The following IRAK1BP1 variants were observed in gnomAD, a reference collection of about 807,000 sequenced individuals.
IRAK1BP1 encodes the protein interleukin-1 receptor-associated kinase 1-binding protein 1.
Under a neutral mutation model 28.0 loss-of-function variants are expected in IRAK1BP1, and 24 were observed. The observed-to-expected ratio is 0.86, with a 90% confidence interval of 0.62 to 1.20. IRAK1BP1 has a LOEUF of 1.20. Among genes scored for constraint, IRAK1BP1 ranks in the 50% most tolerant of loss-of-function variants. The pLI is 0.00. For synonymous variants in IRAK1BP1, 131 were observed against 116.3 expected, an observed-to-expected ratio of 1.13 and a Z score of -0.81; for missense variants, 336 against 316.7, an observed-to-expected ratio of 1.06 and a Z score of -0.46.
rs1770631392 is a variant in IRAK1BP1 at position 78,867,761 on chromosome 6, C to T, written c.185C>T (p.Ser62Phe). Residue 62 changes from serine (S) to phenylalanine (F), a missense_variant, in exon 1 of 4, where the codon TCT (serine) becomes TTT (phenylalanine). Transcript: ENST00000369940. ...EVQVSGTSEVSAGPDRAQVVV... is the reference protein window; with the variant it reads ...EVQVSGTSEVFAGPDRAQVVV... ...CAAGTAAGCGGCACCTCAGAAGTGT[C>T]TGCGGGCCCTGACCGGGCGCAGGTG... is the stretch of plus-strand genomic sequence containing the variant. The T allele has an allele frequency of 1.2e-6, 2 of 1,614,058 alleles. No homozygotes were observed. The highest frequency in any genetic ancestry group is 1.3e-5 in the African/African-American group (1 of 74,950).
At position 78,899,657 on chromosome 6, in the gene IRAK1BP1, A is replaced by G. The variant is rs765984066; in HGVS notation, c.*1323A>G. 1 of 152,130 alleles carries G rather than the reference A, an allele frequency of 6.6e-6. No individual in the cohort carries two copies. Among genetic ancestry groups the G allele is most frequent in the Non-Finnish European group, 1.5e-5 (1 of 68,044 alleles). 9.4% of individuals were successfully genotyped at this position (152,130 alleles called of 1,614,324 possible). On this transcript the variant is annotated 3_prime_UTR_variant, in exon 4 of 4. Transcript: ENST00000369940. ...CAGTGGTACGATCTCAGCTCACTGC[A>G]ACCTCTGCCTCCTGAATTTAAGCGA... is the stretch of plus-strand genomic sequence containing the variant.
the IRAK1BP1 span, among the ~76,000 whole-genome samples, chr6:78,964,337 T>C: frequency 6.6e-6 from 1 of 152,222 alleles, no homozygotes; most frequent in Non-Finnish European, 1.5e-5. Context: ...GAGACTGGGT[T>C]ATTTTCTCCA....
the IRAK1BP1 span, among the ~76,000 whole-genome samples, chr6:78,968,055 A>G: frequency 1.3e-5 from 2 of 152,080 alleles, no homozygotes. Flanking sequence ...GAATGGTGTG[A>G]ACCTGGGAGG....
At chr6:78,881,585 A>G (rs566216142) in intron 1 of IRAK1BP1, among the ~76,000 whole-genome samples, 28 of 152,188 alleles carry the variant, frequency 1.8e-4, no homozygotes, top group Admixed American at 6.5e-5. Flanking sequence ...TATTCTCTTG[A>G]CAAATGAACC....
At chr6:78,894,748 A>G (rs1305929104) in intron 2 of IRAK1BP1, among the ~76,000 whole-genome samples, 2 of 152,180 alleles carry the variant, frequency 1.3e-5, no homozygotes, top group Non-Finnish European at 2.9e-5. Context: ...CTCCAAAAAC[A>G]GCAGCCTACA....
At chr6:78,880,498 A>G (rs1012065587) in intron 1 of IRAK1BP1, among the ~76,000 whole-genome samples, 6 of 152,182 alleles carry the variant, frequency 3.9e-5, no homozygotes, top group Non-Finnish European at 7.3e-5. Flanking sequence ...TTTGTGAAAA[A>G]CATTGTTAAG....
At chr6:78,929,184 T>C (rs1349992044) in intron 4 of IRAK1BP1, among the ~76,000 whole-genome samples, 2 of 152,152 alleles carry the variant, frequency 1.3e-5, no homozygotes, top group Non-Finnish European at 2.9e-5. Context: ...GGCTTTGATC[T>C]CATTACTTGT....
intron 1 of IRAK1BP1, chr6:78,871,442 C>G: frequency 5.1e-6 from 5 of 985,444 alleles, no homozygotes; most frequent in Non-Finnish European, 6.0e-6. Flanking sequence ...CTCCTTTTTG[C>G]TTCACAACAG....
At chr6:78,945,666 ACT>A in exon 5 of IRAK1BP1, 1 of 631,498 alleles carries the variant, frequency 1.6e-6, no homozygotes, top group Non-Finnish European at 2.8e-6. Flanking sequence ...CCAACTAGAA[ACT>A]CTTAATAGTT....
At chr6:78,918,182 A>G (rs989547571) in intron 4 of IRAK1BP1, among the ~76,000 whole-genome samples, 4 of 152,070 alleles carry the variant, frequency 2.6e-5, no homozygotes, top group Non-Finnish European at 4.4e-5. Context: ...CGGTGGTCCC[A>G]GCCACTTGGG....
chr6:78,897,914 GC>G lies in IRAK1BP1; in HGVS notation c.470del (p.Pro157HisfsTer41). 1 of 1,613,994 alleles carries G rather than the reference GC, an allele frequency of 6.2e-7. No individual in the cohort carries two copies. The highest frequency in any genetic ancestry group is 8.5e-7 in the Non-Finnish European group (1 of 1,179,944). The stretch of plus-strand genomic sequence containing the variant: ...AAGCTAGATAGCTCTGTTGTCATCA[GC>G]CCACCCCAGTTCTATCATACTCCAG... ...VEKLDSSVVI[S>X]PPQFYHTPGS... On this transcript the variant is annotated frameshift_variant, in exon 3 of 4. Coordinates refer to ENST00000369940, the MANE Select transcript of IRAK1BP1 (RefSeq NM_001010844.4). LOFTEE classifies it high-confidence loss of function.
chr6:78,891,682 G>A (rs1048101796), intron 2 of IRAK1BP1, among the ~76,000 whole-genome samples: 8 of 152,028 alleles, frequency 5.3e-5, no homozygotes, highest in East Asian at 1.9e-4. Context: ...GGCTGGTCTC[G>A]AACTCCTGGC....
At chr6:78,945,615 C>A in exon 5 of IRAK1BP1, 1 of 685,174 alleles carries the variant, frequency 1.5e-6, no homozygotes, top group Non-Finnish European at 2.5e-6. Flanking sequence ...ATGCTTAAAG[C>A]TTTCTTAGGA....
chr6:78,944,146 G>A (rs941477325), intron 4 of IRAK1BP1, among the ~76,000 whole-genome samples: 1 of 151,978 alleles, frequency 6.6e-6, no homozygotes, highest in Non-Finnish European at 1.5e-5. Context: ...AAGGAGAAAA[G>A]AACAAAGACT....
chr6:78,914,946 G>A (rs1772521198), intron 4 of IRAK1BP1, among the ~76,000 whole-genome samples: 1 of 152,112 alleles, frequency 6.6e-6, no homozygotes, highest in South Asian at 2.1e-4. Flanking sequence ...TCAGCCTCCC[G>A]AGTAGCTGGG....
chr6:78,893,377 A>G (rs1771755158), intron 2 of IRAK1BP1, among the ~76,000 whole-genome samples: 1 of 147,170 alleles, frequency 6.8e-6, no homozygotes, highest in Non-Finnish European at 1.5e-5. Context: ...TAATATATCC[A>G]GCAAAAGTAG....
chr6:78,959,528 G>C, the IRAK1BP1 span, among the ~76,000 whole-genome samples: 1 of 152,024 alleles, frequency 6.6e-6, no homozygotes, highest in Non-Finnish European at 1.5e-5. Context: ...TTTCACGAAA[G>C]AAAAACAAAC....
chr6:78,914,581 ATC>A (rs1366521978), intron 4 of IRAK1BP1, among the ~76,000 whole-genome samples: 1 of 152,168 alleles, frequency 6.6e-6, no homozygotes, highest in Non-Finnish European at 1.5e-5. Flanking sequence ...TTGGTTGATT[ATC>A]TCTTTCTTTT....
At chr6:78,935,484 A>G (rs1773242532) in intron 4 of IRAK1BP1, 1 of 977,822 alleles carries the variant, frequency 1.0e-6, no homozygotes, top group African/African-American at 1.8e-5. Flanking sequence ...TTGAGAAAAT[A>G]TTTATGCAAA....
Sources: gnomAD v4.1 joint callset for allele counts (sites outside exome capture counted in the v4.1 genomes callset) on GRCh38, gnomAD v4.1.1 for gene constraint, MANE v1.5 for transcripts, NCBI Gene and HGNC (gene_info 2026-07-23, HGNC 2026-07-21) for gene names.